The following STAR variants were observed in gnomAD, a reference collection of about 807,000 sequenced individuals.
STAR encodes steroidogenic acute regulatory protein, also known as steroidogenic acute regulatory protein, mitochondrial.
A neutral mutation model predicts 32.3 loss-of-function variants in STAR; 32 were observed. The observed-to-expected ratio is 0.99, with a 90% confidence interval of 0.75 to 1.33. STAR has a LOEUF of 1.33. STAR is among the 40% of genes most tolerant of loss of function. The pLI is 0.00. For synonymous variants in STAR, 134 were observed against 140.5 expected (o/e 0.95, Z 0.33); for missense variants, 375 against 379.0 (o/e 0.99, Z 0.09).
rs966836158 is a variant in STAR, at chr8:38,143,522, G to A, written c.*751C>T. ...GGGTTTCACCATGTTGGCCAGGATG[G>A]TCTCGATCTCCTGACCTTGTGATCC... On this transcript the variant is annotated 3_prime_UTR_variant, in exon 7 of 7. Transcript: ENST00000276449. 1.4e-4 allele frequency: 22 copies of A among 152,628 alleles called. No individual in the cohort carries two copies. The highest frequency in any genetic ancestry group is 4.6e-4 in the African/African-American group (19 of 41,514). 9.5% of individuals were successfully genotyped at this position (152,628 alleles called of 1,614,324 possible).
rs1802519866 is a variant in STAR at position 38,144,224 on chromosome 8, G to A, written c.*49C>T. ...CTTCCAGTAGGGATTCTCCTGATGA[G>A]CGTGTGTACCAGTGCAGCTGGGCAC... On this transcript the variant is annotated 3_prime_UTR_variant, in exon 7 of 7. Transcript: ENST00000276449. 2 of 1,538,586 alleles carry A rather than the reference G, an allele frequency of 1.3e-6. No homozygotes were observed. The highest frequency in any genetic ancestry group is 1.8e-6 in the Non-Finnish European group (2 of 1,131,024).
intron 6 of STAR, 80 bp downstream of exon 6, chr8:38,145,142 T>G: frequency 6.2e-7 from 1 of 1,603,682 alleles, no homozygotes; most frequent in South Asian, 1.1e-5. Context: ...GAGGATTCTT[T>G]CTGCAGCATG....
rs1350908961 is a variant in STAR at position 38,144,319 on chromosome 8, AG to A, written c.811del (p.Leu271CysfsTer50). The A allele has an allele frequency of 5.6e-6, 9 of 1,609,912 alleles. No individual in the cohort carries two copies. The highest frequency in any genetic ancestry group is 4.0e-5 in the African/African-American group (3 of 74,828). Reference protein sequence around the residue: ...SQTQVDFANHLRKRLESHPAS... With the variant: ...SQTQVDFANHXRKRLESHPAS... ...AGGGTGGGACTCCAGGCGCTTGCGC[AG>A]GTGGTTGGCAAAATCCACCTGGGTC... On this transcript the variant is annotated frameshift_variant, in exon 7 of 7. Transcript: ENST00000276449. LOFTEE classifies it high-confidence loss of function.
At chr8:38,148,137 C>G in intron 3 of STAR, 63 bp downstream of exon 3, 1 of 1,609,840 alleles carries the variant, frequency 6.2e-7, no homozygotes, top group Non-Finnish European at 8.5e-7. Flanking sequence ...AATAGTAACC[C>G]CAGCTGGCCT....
chr8:38,148,614 C>G (rs1396944980), intron 2 of STAR, 27 bp downstream of exon 2: 2 of 1,603,754 alleles, frequency 1.2e-6, no homozygotes, highest in Non-Finnish European at 1.7e-6. Context: ...CCAGCAGCAC[C>G]AGGAGCCCAG....
Position 38,145,334 on chromosome 8 carries a change from A to G in STAR, c.651-19T>C. On this transcript the variant is annotated intron_variant, in intron 5 of 6. Coordinates refer to ENST00000276449, the MANE Select transcript of STAR (RefSeq NM_000349.3). ...CTCCGCCCTGGCAAATGGAGAAGTC[A>G]AGTCAGGAGGACAGTTGCGAGTTCT... 1 of 1,614,048 alleles carries G rather than the reference A, an allele frequency of 6.2e-7. No homozygotes were observed. The highest frequency in any genetic ancestry group is 8.5e-7 in the Non-Finnish European group (1 of 1,180,030).
In STAR at chr8:38,145,206, C is replaced by G. The variant is rs1275980974; in HGVS notation, c.744+16G>C. 1.2e-6 allele frequency: 2 copies of G among 1,614,050 alleles called. No homozygotes were observed. The highest frequency in any genetic ancestry group is 1.3e-5 in the African/African-American group (1 of 75,036). On this transcript the variant is annotated intron_variant, in intron 6 of 6. Transcript: ENST00000276449. ...ACTACCACCTGCCTTCCAGGTCCCC[C>G]TCCCATGCCCTTCACCTTGAGGTCG... is the stretch of plus-strand genomic sequence containing the variant.
At chr8:38,147,519 C>G (rs1248922355) in intron 3 of STAR, among the ~76,000 whole-genome samples, 1 of 152,188 alleles carries the variant, frequency 6.6e-6, no homozygotes, top group Non-Finnish European at 1.5e-5. Flanking sequence ...GCCCAGGGAC[C>G]CTTAACTAAG....
In STAR at chr8:38,148,687, G is replaced by T. The variant is rs1176465443; in HGVS notation, c.132C>A (p.Thr44=). Residue 44 remains threonine (T), a synonymous_variant, in exon 2 of 7, where the codon ACC becomes ACA. Transcript: ENST00000276449. ...ELNRRALGGP[T]PSTWINQVRR... is the part of the protein sequence containing the mutation. ...GAACCTGGTTAATCCACGTGCTAGG[G>T]GTGGGGCCCCCCAGGGCCCTCCGGT... 1 of 1,614,136 alleles carries T rather than the reference G, an allele frequency of 6.2e-7. No individual in the cohort carries two copies. The highest frequency in any genetic ancestry group is 8.5e-7 in the Non-Finnish European group (1 of 1,180,040).
Position 38,146,081 on chromosome 8 carries a change from G to C in STAR, c.532C>G (p.Leu178Val), listed in dbSNP as rs956049115. 5 of 1,614,118 alleles carry C rather than the reference G, an allele frequency of 3.1e-6. No individual in the cohort carries two copies. In the African/African-American group the frequency reaches 5.3e-5, roughly 17 times the overall value. Residue 178 changes from leucine (L) to valine (V), a missense_variant, in exon 5 of 7, where the codon CTG (leucine) becomes GTG (valine). Physicochemically the swap from Leu to Val is conservative, Grantham distance 32 (BLOSUM62 1). Coordinates refer to ENST00000276449, the MANE Select transcript of STAR (RefSeq NM_000349.3). ...CTCACAAAGTCACGGGGCCCCACCA[G>C]GTTTCCTGCTGCCTCGGCAGCCAGC... ...HELAAEAAGNLVGPRDFVSVR... is the reference protein window; with the variant it reads ...HELAAEAAGNVVGPRDFVSVR...
chr8:38,144,651 C>T, intron 6 of STAR: 1 of 1,283,354 alleles, frequency 7.8e-7, no homozygotes, highest in Non-Finnish European at 1.0e-6. Flanking sequence ...CCTTTTTCAC[C>T]CTTCAGATCT....
chr8:38,150,823 T>C lies in STAR; in HGVS notation c.-5A>G. 6.2e-7 allele frequency: 1 copy of C among 1,605,124 alleles called. No homozygotes were observed. The highest frequency in any genetic ancestry group is 1.1e-5 in the South Asian group (1 of 91,082). On this transcript the variant is annotated 5_prime_UTR_variant, in exon 1 of 7. Transcript: ENST00000276449. Reference sequence around the variant, plus strand: ...CTTGAATGTCGCTAGCAGCATTGTTTCCTGGCAAATGTGGCAGTGGTGGGG... The same window carrying C: ...CTTGAATGTCGCTAGCAGCATTGTTCCCTGGCAAATGTGGCAGTGGTGGGG...
chr8:38,149,290 C>A, intron 1 of STAR, among the ~76,000 whole-genome samples: 1 of 152,198 alleles, frequency 6.6e-6, no homozygotes, highest in Non-Finnish European at 1.5e-5. Context: ...GACGACAACA[C>A]CACTGCCAGC....
intron 5 of STAR, 148 bp from the exon 6 acceptor site, chr8:38,145,463 AT>A: frequency 9.1e-7 from 1 of 1,100,412 alleles, no homozygotes; most frequent in Non-Finnish European, 1.3e-6. Context: ...AAGGGTAATT[AT>A]TTGGCAGTTG....
intron 3 of STAR, among the ~76,000 whole-genome samples, chr8:38,146,781 T>TA (rs140538990): frequency 6.7e-4 from 97 of 144,906 alleles, no homozygotes; most frequent in African/African-American, 1.6e-3. Context: ...AAAAAAAATT[T>TA]TATATATATA....
At position 38,143,812 on chromosome 8, in the gene STAR, G is replaced by A. The variant is rs1022474322; in HGVS notation, c.*461C>T. 3 of 241,122 alleles carry A rather than the reference G, an allele frequency of 1.2e-5. No individual in the cohort carries two copies. Among genetic ancestry groups the A allele is most frequent in the East Asian group, 1.1e-4 (1 of 9,422 alleles). The allele number at this position is 241,122 out of a possible 1,614,324, so 14.9% of individuals were successfully genotyped here. A position where few individuals can be genotyped will look rare whatever the true frequency, so the allele number is the denominator to read the frequency against. On this transcript the variant is annotated 3_prime_UTR_variant, in exon 7 of 7. Transcript: ENST00000276449. ...TTGTTCTGTGGTGTTGCTGTGCAGCGGCCGGGAGGAGCAGAGGGCTGCAGG... is the reference window on the plus strand; with the variant it reads ...TTGTTCTGTGGTGTTGCTGTGCAGCAGCCGGGAGGAGCAGAGGGCTGCAGG...
rs1802488632 is a variant in STAR, at chr8:38,142,710, T to C, written c.*1563A>G. On this transcript the variant is annotated 3_prime_UTR_variant, in exon 7 of 7. Coordinates refer to ENST00000276449, the MANE Select transcript of STAR (RefSeq NM_000349.3). ...CGCCCAGCTCATTTTGTATTTTTAG[T>C]AGAGATGGGGTTTCTCCATGTTAGT... Among the ~76,000 whole-genome samples the C allele has an allele frequency of 6.6e-6, 1 of 151,940 alleles. No individual in the cohort carries two copies. The highest frequency in any genetic ancestry group is 6.6e-5 in the Admixed American group (1 of 15,244).
At chr8:38,148,856 A>G (rs1313782895) in intron 1 of STAR, 102 bp from the exon 2 acceptor site, 24 of 971,848 alleles carry the variant, frequency 2.5e-5, no homozygotes, top group Non-Finnish European at 3.8e-5. Flanking sequence ...TGGTTTGGAG[A>G]GGGAAGTGAC....
At chr8:38,145,816 G>A in intron 5 of STAR, 147 bp downstream of exon 5, 2 of 997,616 alleles carry the variant, frequency 2.0e-6, no homozygotes, top group Non-Finnish European at 3.0e-6. Flanking sequence ...CCCTCCTTTG[G>A]TAAATAAGTA....
Sources: allele counts gnomAD v4.1 joint callset (sites outside exome capture counted in the v4.1 genomes callset), GRCh38; gene constraint gnomAD v4.1.1; transcripts MANE v1.5; gene names NCBI Gene and HGNC (gene_info 2026-07-23, HGNC 2026-07-21).